Variants in RABGAP1L observed in about 807,000 individuals in gnomAD.
The protein encoded by RABGAP1L is rab GTPase-activating protein 1-like.
A neutral mutation model predicts 137.7 loss-of-function variants in RABGAP1L; 63 were observed. The observed-to-expected ratio is 0.46, with a 90% CI of 0.37 to 0.56. RABGAP1L has a LOEUF of 0.56. Among genes scored for constraint, RABGAP1L ranks in the 20% least tolerant of loss-of-function variants. The probability of loss-of-function intolerance (pLI) is 0.00; values close to 1 mark genes in which losing one functional copy is unlikely to be tolerated. For synonymous variants in RABGAP1L, 431 were observed against 433.7 expected (o/e 0.99, Z 0.08); for missense variants, 1,095 against 1,244.0 (o/e 0.88, Z 1.80).
At chr1:174,311,855 C>T (rs1004615198) in intron 11 of RABGAP1L, among the ~76,000 whole-genome samples, 1 of 152,218 alleles carries the variant, frequency 6.6e-6, no homozygotes, top group Non-Finnish European at 1.5e-5. Context: ...GATCCACCCA[C>T]CTTGGCCTCT....
intron 13 of RABGAP1L, among the ~76,000 whole-genome samples, chr1:174,427,335 C>A (rs1307458815): frequency 6.6e-6 from 1 of 152,100 alleles, no homozygotes; most frequent in East Asian, 1.9e-4. Flanking sequence ...GATTTTGACT[C>A]CTTCTCAATA....
intron 19 of RABGAP1L, among the ~76,000 whole-genome samples, chr1:174,844,094 G>C (rs1573464906): frequency 6.6e-6 from 1 of 151,712 alleles, no homozygotes; most frequent in East Asian, 1.9e-4. Context: ...TTGTAAATTT[G>C]TTCGAGTTCA....
At chr1:174,946,094 C>CT (rs1297138259) in intron 19 of RABGAP1L, among the ~76,000 whole-genome samples, 1 of 143,740 alleles carries the variant, frequency 7.0e-6, no homozygotes, top group Non-Finnish European at 1.5e-5. Flanking sequence ...CTTTCTTTTT[C>CT]TTTTTTCTTT....
At chr1:174,757,221 C>T (rs1205993494) in intron 18 of RABGAP1L, 2 of 214,406 alleles carry the variant, frequency 9.3e-6, no homozygotes, top group Non-Finnish European at 1.9e-5. Flanking sequence ...TCCCCTGTAC[C>T]ACAATTTATT....
At chr1:174,796,201 C>A (rs1248724832) in intron 18 of RABGAP1L, among the ~76,000 whole-genome samples, 1 of 152,100 alleles carries the variant, frequency 6.6e-6, no homozygotes, top group Admixed American at 6.6e-5. Context: ...CTGTTGGGTA[C>A]ATGCTTATAA....
At chr1:174,533,592 T>C (rs1253349454) in intron 13 of RABGAP1L, among the ~76,000 whole-genome samples, 1 of 152,244 alleles carries the variant, frequency 6.6e-6, no homozygotes, top group Non-Finnish European at 1.5e-5. Context: ...ATGATTTTCT[T>C]AGAGTTTCTT....
chr1:174,897,068 A>C (rs1275090210), intron 19 of RABGAP1L: 2 of 152,210 alleles, frequency 1.3e-5, no homozygotes, highest in African/African-American at 4.8e-5. Context: ...CTTCCTATCC[A>C]TGAGCATGGA....
chr1:174,310,550 T>TA (rs752495334), intron 11 of RABGAP1L, among the ~76,000 whole-genome samples: 6 of 152,200 alleles, frequency 3.9e-5, no homozygotes, highest in Non-Finnish European at 7.4e-5. Context: ...TGAAATCTCT[T>TA]ACTGTTTTTT....
chr1:174,946,786 A>G (rs1666833615), intron 19 of RABGAP1L, among the ~76,000 whole-genome samples: 2 of 150,224 alleles, frequency 1.3e-5, no homozygotes, highest in Admixed American at 1.3e-4. Context: ...TTGTAATCCC[A>G]GTTACTCGGG....
chr1:174,402,694 A>AT (rs1440127567), intron 13 of RABGAP1L, among the ~76,000 whole-genome samples: 2 of 152,074 alleles, frequency 1.3e-5, no homozygotes, highest in Admixed American at 6.6e-5. Flanking sequence ...GTTAAGCTGC[A>AT]TTTTTCATAA....
chr1:174,185,027 C>G (rs937706280), intron 1 of RABGAP1L, among the ~76,000 whole-genome samples: 3 of 152,194 alleles, frequency 2.0e-5, no homozygotes, highest in African/African-American at 7.2e-5. Flanking sequence ...GGTGGCAACC[C>G]TTCCCTGCCT....
intron 11 of RABGAP1L, among the ~76,000 whole-genome samples, chr1:174,356,870 GT>G (rs1301041441): frequency 6.6e-6 from 1 of 152,144 alleles, no homozygotes; most frequent in East Asian, 1.9e-4. Flanking sequence ...TGGTACTACT[GT>G]GTGTCAGTTA....
intron 7 of RABGAP1L, among the ~76,000 whole-genome samples, chr1:174,258,835 T>A (rs1673338112): frequency 6.6e-6 from 1 of 152,116 alleles, no homozygotes; most frequent in Non-Finnish European, 1.5e-5. Flanking sequence ...TGGAGTGCAG[T>A]GATGTGATCA....
intron 19 of RABGAP1L, among the ~76,000 whole-genome samples, chr1:174,842,668 C>G (rs1303105507): frequency 6.6e-6 from 1 of 152,184 alleles, no homozygotes; most frequent in African/African-American, 2.4e-5. Context: ...CTCACACAAT[C>G]TTACTCAAGA....
rs983683662 is a variant in RABGAP1L, at chr1:174,305,083, G to C, written c.1421G>C (p.Ser474Thr). The C allele has an allele frequency of 1.3e-6, 2 of 1,553,658 alleles. No homozygotes were observed. The highest frequency in any genetic ancestry group is 1.7e-6 in the Non-Finnish European group (2 of 1,157,134). ...AAGGAGGAACCAGTCACTCCTACTAGTGGAGGGGGTCCAATGTCACCCCAG... is the reference window on the plus strand; with the variant it reads ...AAGGAGGAACCAGTCACTCCTACTACTGGAGGGGGTCCAATGTCACCCCAG... Reference protein sequence around the residue: ...SDKEEPVTPTSGGGPMSPQDD... With the variant: ...SDKEEPVTPTTGGGPMSPQDD... Residue 474 changes from serine (S) to threonine (T), a missense_variant, in exon 11 of 26, where the codon AGT becomes ACT. By Grantham distance (58) the Ser-to-Thr change is moderately conservative. Transcript: ENST00000681986.
intron 19 of RABGAP1L, among the ~76,000 whole-genome samples, chr1:174,905,537 AG>A (rs1658902908): frequency 6.6e-6 from 1 of 152,172 alleles, no homozygotes; most frequent in African/African-American, 2.4e-5. Context: ...AAAATCAGTG[AG>A]TTCAAAGACT....
chr1:174,420,879 G>A (rs1275453367), intron 13 of RABGAP1L, among the ~76,000 whole-genome samples: 1 of 152,058 alleles, frequency 6.6e-6, no homozygotes, highest in Non-Finnish European at 1.5e-5. Context: ...GTTTCACCGT[G>A]TTCGCCAGGA....
chr1:174,955,862 G>A (rs1018199928), intron 19 of RABGAP1L, among the ~76,000 whole-genome samples: 4 of 152,114 alleles, frequency 2.6e-5, no homozygotes, highest in Admixed American at 2.0e-4. Flanking sequence ...AAGGAGGATC[G>A]CTTCAGCCCA....
chr1:174,324,661 T>A (rs1222527795), intron 11 of RABGAP1L, among the ~76,000 whole-genome samples: 1 of 152,142 alleles, frequency 6.6e-6, no homozygotes, highest in Non-Finnish European at 1.5e-5. Context: ...TAAAAGTAGA[T>A]GTTAGGACAT....
Sources: gnomAD v4.1 joint callset for allele counts (sites outside exome capture counted in the v4.1 genomes callset) on GRCh38, gnomAD v4.1.1 for gene constraint, MANE v1.5 for transcripts, NCBI Gene and HGNC (gene_info 2026-07-23, HGNC 2026-07-21) for gene names.